LGALS8: variants seen among roughly 807,000 people sequenced by gnomAD.
LGALS8 encodes the protein galectin 8, also known as galectin-8.
LGALS8 carries 30 observed loss-of-function variants against 35.9 expected under a neutral mutation model. The observed-to-expected ratio is 0.83, with a 90% CI of 0.62 to 1.13. The LOEUF (loss-of-function observed/expected upper bound fraction) is 1.13, where lower values mean the gene tolerates loss of function less well. Among genes scored for constraint, LGALS8 ranks in the 50% most tolerant of loss-of-function variants. LGALS8 has a pLI of 0.00. For synonymous variants in LGALS8, 138 were observed against 136.1 expected, an observed-to-expected ratio of 1.01 and a Z score of -0.10; for missense variants, 366 against 388.7, an observed-to-expected ratio of 0.94 and a Z score of 0.49.
chr1:236,549,156 T>C lies in LGALS8; in HGVS notation c.*995T>C. The C allele has an allele frequency of 2.5e-6, 1 of 396,062 alleles. No individual in the cohort carries two copies. Among genetic ancestry groups the C allele is most frequent in the Non-Finnish European group, 4.4e-6 (1 of 224,916 alleles). The allele number at this position is 396,062 out of a possible 1,614,324, so 24.5% of individuals were successfully genotyped here. ...AGAAATCTGTTTTGTTCCCATGAAA[T>C]CACCAATCAAGGCCTCCGTTCTTCT... is the stretch of plus-strand genomic sequence containing the variant. On this transcript the variant is annotated 3_prime_UTR_variant, in exon 10 of 10. Transcript: ENST00000366584.
intron 4 of LGALS8, 166 bp from the exon 5 acceptor site, chr1:236,540,397 GC>G: frequency 1.7e-6 from 1 of 602,648 alleles, no homozygotes. Context: ...TGGAAGCACT[GC>G]TAGTGTTTTG....
chr1:236,519,032 A>AT (rs994916615), upstream of LGALS8, among the ~76,000 whole-genome samples: 8 of 152,066 alleles, frequency 5.3e-5, no homozygotes, highest in South Asian at 2.1e-4. Flanking sequence ...TAAAATCATG[A>AT]TTTTTTTACT....
At position 236,538,920 on chromosome 1, in the gene LGALS8, G is replaced by C. The variant is rs771204585; in HGVS notation, c.176G>C (p.Arg59Pro). The C allele has an allele frequency of 2.5e-6, 4 of 1,613,534 alleles. No individual in the cohort carries two copies. Among genetic ancestry groups the C allele is most frequent in the African/African-American group, 1.3e-5 (1 of 75,012 alleles). The change falls in exon 4 of 10, where the codon CGA (arginine) becomes CCA (proline). Residue 59 changes from arginine to proline, a missense_variant. Coordinates refer to ENST00000366584, the MANE Select transcript of LGALS8 (RefSeq NM_201544.4). ...DLQNGSSMKP[R>P]ADVAFHFNPR... ...CAGAATGGCAGCAGCATGAAACCTC[G>C]AGCCGATGTGGCCTTTCATTTCAAT... is the stretch of plus-strand genomic sequence containing the variant.
At position 236,550,637 on chromosome 1, in the gene LGALS8, TAATA is replaced by T. The variant is rs1447972460; in HGVS notation, c.*2480_*2483del. 1.3e-5 allele frequency: 5 copies of T among 387,588 alleles called. No homozygotes were observed. The highest frequency in any genetic ancestry group is 6.2e-5 in the African/African-American group (3 of 48,396). 24.0% of individuals were successfully genotyped at this position (387,588 alleles called of 1,614,324 possible). ...TTATTACCATCAATCAGGAAGAGAATAATAAATGTTTAAACAAACACAGCAGTCT... is the reference window on the plus strand; with the variant it reads ...TTATTACCATCAATCAGGAAGAGAATAATGTTTAAACAAACACAGCAGTCT... On this transcript the variant is annotated 3_prime_UTR_variant, in exon 10 of 10. Coordinates refer to ENST00000366584, the MANE Select transcript of LGALS8 (RefSeq NM_201544.4).
Position 236,550,292 on chromosome 1 carries a change from C to T in LGALS8, c.*2131C>T, listed in dbSNP as rs1001887385. 1 of 152,176 alleles carries T rather than the reference C, an allele frequency of 6.6e-6. No homozygotes were observed. Among genetic ancestry groups the T allele is most frequent in the African/African-American group, 2.4e-5 (1 of 41,420 alleles). 9.4% of individuals were successfully genotyped at this position (152,176 alleles called of 1,614,324 possible). A position where few individuals can be genotyped will look rare whatever the true frequency, so the allele number is the denominator to read the frequency against. On this transcript the variant is annotated 3_prime_UTR_variant, in exon 10 of 10. Coordinates refer to ENST00000366584, the MANE Select transcript of LGALS8 (RefSeq NM_201544.4). ...TAGAAGCAGCGTGTTGCCTTCATCT[C>T]TCCCGTTTCCCAAAAGAACAAAGGA...
At chr1:236,525,114 GATT>G (rs1161141743) in intron 1 of LGALS8, among the ~76,000 whole-genome samples, 6 of 152,070 alleles carry the variant, frequency 3.9e-5, no homozygotes, top group African/African-American at 1.2e-4. Flanking sequence ...CCTGCCCTGT[GATT>G]ATTATTTTTT....
intron 3 of LGALS8, among the ~76,000 whole-genome samples, chr1:236,537,948 A>C (rs1661663068): frequency 1.1e-5 from 1 of 94,230 alleles, no homozygotes; most frequent in Admixed American, 1.0e-4. Context: ...AAAAAAAAAA[A>C]TTTAAAAATT....
intron 9 of LGALS8, among the ~76,000 whole-genome samples, chr1:236,545,891 G>A (rs1242828237): frequency 6.6e-6 from 1 of 152,170 alleles, no homozygotes; most frequent in Non-Finnish European, 1.5e-5. Context: ...GGGAAGGGCA[G>A]CACAGGGTTG....
upstream of LGALS8, among the ~76,000 whole-genome samples, chr1:236,518,656 ATTTTT>A (rs532346068): frequency 3.5e-4 from 53 of 151,590 alleles, no homozygotes; most frequent in African/African-American, 1.2e-3. Context: ...GCTTTCACAT[ATTTTT>A]TTTTATCATT....
chr1:236,541,537 CAT>C, intron 5 of LGALS8, 115 bp from the exon 6 acceptor site: 1 of 582,730 alleles, frequency 1.7e-6, no homozygotes, highest in Non-Finnish European at 3.0e-6. Flanking sequence ...ATTTTTGGAT[CAT>C]AGTTTTCAAG....
chr1:236,547,877 G>T, intron 9 of LGALS8, 135 bp from the exon 10 acceptor site: 1 of 675,438 alleles, frequency 1.5e-6, no homozygotes, highest in Non-Finnish European at 2.5e-6. Flanking sequence ...TTGGAAGTCA[G>T]AAGGAAGTCA....
chr1:236,540,584 T>A lies in LGALS8; in HGVS notation c.366T>A (p.His122Gln). The stretch of plus-strand genomic sequence containing the variant: ...TCTAGGTGGCTGTAAATGGAAAACA[T>A]ACTCTGCTCTATGGCCACAGGATCG... Reference protein sequence around the residue: ...DKFQVAVNGKHTLLYGHRIGP... With the variant: ...DKFQVAVNGKQTLLYGHRIGP... The change falls in exon 5 of 10, where the codon CAT becomes CAA. Residue 122 changes from histidine to glutamine, a missense_variant. By Grantham distance (24) the His-to-Gln change is conservative. Coordinates refer to ENST00000366584, the MANE Select transcript of LGALS8 (RefSeq NM_201544.4). 1 of 1,608,598 alleles carries A rather than the reference T, an allele frequency of 6.2e-7. No individual in the cohort carries two copies. Among genetic ancestry groups the A allele is most frequent in the Non-Finnish European group, 8.5e-7 (1 of 1,177,764 alleles).
chr1:236,535,384 T>G (rs553812038), intron 2 of LGALS8, among the ~76,000 whole-genome samples: 2 of 152,244 alleles, frequency 1.3e-5, no homozygotes, highest in Non-Finnish European at 2.9e-5. Context: ...CAGGATACAG[T>G]GTGTATTAGC....
intron 2 of LGALS8, among the ~76,000 whole-genome samples, chr1:236,537,021 CTTTTTT>C (rs60024224): frequency 2.9e-5 from 4 of 137,850 alleles, no homozygotes; most frequent in Non-Finnish European, 6.1e-5. Context: ...TATGCAGTTC[CTTTTTT>C]TTTTTTTGAG....
chr1:236,529,382 G>A (rs1172869484), intron 2 of LGALS8, among the ~76,000 whole-genome samples: 4 of 152,050 alleles, frequency 2.6e-5, no homozygotes, highest in African/African-American at 9.7e-5. Flanking sequence ...AGGAGTTCGA[G>A]ACCAGCCTGA....
chr1:236,541,740 G>A, intron 6 of LGALS8, 30 bp downstream of exon 6: 1 of 1,218,182 alleles, frequency 8.2e-7, no homozygotes, highest in Non-Finnish European at 1.2e-6. Flanking sequence ...ATGAGCCACT[G>A]GTTTAAAAAT....
upstream of LGALS8, chr1:236,518,495 A>G (rs1460020938): frequency 6.6e-6 from 1 of 152,186 alleles, no homozygotes; most frequent in Non-Finnish European, 1.5e-5. Context: ...ATGTATGTAT[A>G]AGGATGTGAG....
intron 9 of LGALS8, among the ~76,000 whole-genome samples, chr1:236,545,667 G>A (rs976949635): frequency 6.6e-6 from 1 of 152,150 alleles, no homozygotes; most frequent in African/African-American, 2.4e-5. Context: ...AATATCAGGC[G>A]GAATAGATAG....
chr1:236,521,787 C>T (rs968864634), upstream of LGALS8, among the ~76,000 whole-genome samples: 9 of 150,848 alleles, frequency 6.0e-5, no homozygotes, highest in South Asian at 2.1e-4. Flanking sequence ...GAGAATGTAA[C>T]ACTGTACTCC....
Sources: gnomAD v4.1 joint callset for allele counts (sites outside exome capture counted in the v4.1 genomes callset) on GRCh38, gnomAD v4.1.1 for gene constraint, MANE v1.5 for transcripts, NCBI Gene and HGNC (gene_info 2026-07-23, HGNC 2026-07-21) for gene names.